Variants in AP3D1 observed in about 807,000 individuals in gnomAD.
The protein encoded by AP3D1 is adaptor related protein complex 3 subunit delta 1.
In AP3D1, 51 loss-of-function variants were observed where a neutral mutation model predicts 147.6. That is an observed-to-expected ratio of 0.35 (90% CI 0.28 to 0.44). The LOEUF (loss-of-function observed/expected upper bound fraction) is 0.44, where lower values mean the gene tolerates loss of function less well. Among genes scored for constraint, AP3D1 ranks in the 20% least tolerant of loss-of-function variants. The pLI, the probability that AP3D1 is intolerant of heterozygous loss-of-function variation, is 1.00. For synonymous variants in AP3D1, 760 were observed against 663.0 expected (o/e 1.15, Z -2.25); for missense variants, 1,421 against 1,624.2 (o/e 0.87, Z 2.15).
chr19:2,147,115 C>T (rs1013515533), intron 1 of AP3D1, among the ~76,000 whole-genome samples: 11 of 152,244 alleles, frequency 7.2e-5, no homozygotes, highest in South Asian at 4.1e-4. Context: ...GAGGCCGAGG[C>T]TGGTGGATCA....
At chr19:2,147,555 T>A (rs1599496912) in intron 1 of AP3D1, among the ~76,000 whole-genome samples, 1 of 130,306 alleles carries the variant, frequency 7.7e-6, no homozygotes. Flanking sequence ...GACTCTGACT[T>A]GGAAAAAAAA....
In AP3D1 at chr19:2,130,465, C is replaced by T. The variant is rs757653729; in HGVS notation, c.535G>A (p.Glu179Lys). Residue 179 changes from glutamate to lysine, a missense_variant, in exon 6 of 32, where the codon GAG becomes AAG. Glu to Lys is a moderately conservative substitution (Grantham distance 56). This residue lies in a region of AP3D1 where 292 missense variants were observed against 412.0 expected (regional missense o/e 0.71). Coordinates refer to ENST00000643116, the MANE Select transcript of AP3D1 (RefSeq NM_001261826.3). ...IMYKVFLKYP[E>K]SLRPAFPRLK... ...CGGGGAAAGGCAGGGCGCAGCGACT[C>T]GGGGTACTTCAGGAACACCTTGTAC... 5 of 1,613,956 alleles carry T rather than the reference C, an allele frequency of 3.1e-6. No homozygotes were observed. Among genetic ancestry groups the T allele is most frequent in the African/African-American group, 1.3e-5 (1 of 74,940 alleles).
In AP3D1 at chr19:2,114,082, G is replaced by A. The variant is rs2018363864; in HGVS notation, c.2601+43C>T. ...CTGTCTCCTGGGAGTTCACGGCAAG[G>A]GAGGGGAATGGAGAAGGCCGCCGCC... On this transcript the variant is annotated intron_variant, in intron 22 of 31. Coordinates refer to ENST00000643116, the MANE Select transcript of AP3D1 (RefSeq NM_001261826.3). 2.0e-6 allele frequency: 3 copies of A among 1,535,026 alleles called. No individual in the cohort carries two copies. The African/African-American group carries it at 4.2e-5, about 21-fold the overall frequency.
chr19:2,113,336 C>T lies in AP3D1; in HGVS notation c.2679G>A (p.Thr893=), dbSNP rs1347038420. ...PAPAPAPVPS[T]GELSVNTVTT... ...CACTGGCCAGCTGCCAGTCTCTTAC[C>T]GTGGATGGAACGGGGGCGGGGGCGG... The change falls in exon 23 of 32, where the codon ACG becomes ACA. Residue 893 remains threonine, a splice_region_variant and synonymous_variant. Coordinates refer to ENST00000643116, the MANE Select transcript of AP3D1 (RefSeq NM_001261826.3). 6 of 804,066 alleles carry T rather than the reference C, an allele frequency of 7.5e-6. No individual in the cohort carries two copies. Among genetic ancestry groups the T allele is most frequent in the East Asian group, 8.2e-5 (1 of 12,124 alleles). The allele number at this position is 804,066 out of a possible 1,614,324, so 49.8% of individuals were successfully genotyped here. A position where few individuals can be genotyped will look rare whatever the true frequency, so the allele number is the denominator to read the frequency against.
In AP3D1 at chr19:2,129,178, G is replaced by A. The variant is rs779465892; in HGVS notation, c.733-15C>T. The A allele has an allele frequency of 8.1e-6, 13 of 1,605,702 alleles. No homozygotes were observed. The South Asian group carries it at 1.2e-4, about 15-fold the overall frequency. On this transcript the variant is annotated splice_polypyrimidine_tract_variant and intron_variant, in intron 7 of 31. Coordinates refer to ENST00000643116, the MANE Select transcript of AP3D1 (RefSeq NM_001261826.3). ...AGAGCACCGAACTGTGGGGACAGCA[G>A]GGCCTCGGTCACCCGCAGGGAATGC... is the stretch of plus-strand genomic sequence containing the variant.
chr19:2,130,302 C>G (rs1488835534), intron 6 of AP3D1, 106 bp downstream of exon 6: 2 of 1,518,570 alleles, frequency 1.3e-6, no homozygotes, highest in Non-Finnish European at 1.8e-6. Context: ...TGGACTGAGC[C>G]CTTCACCACT....
At chr19:2,126,734 T>C (rs2018768687) in intron 9 of AP3D1, among the ~76,000 whole-genome samples, 1 of 151,556 alleles carries the variant, frequency 6.6e-6, no homozygotes, top group Admixed American at 6.6e-5. Context: ...GGTGAAACGA[T>C]ATGCTGTCTC....
chr19:2,129,704 C>T (rs776446492), intron 6 of AP3D1, among the ~76,000 whole-genome samples: 6 of 152,214 alleles, frequency 3.9e-5, no homozygotes, highest in Non-Finnish European at 7.3e-5. Flanking sequence ...GGAACAAGTG[C>T]GCACAAGCGT....
chr19:2,110,646 C>T, intron 27 of AP3D1, 61 bp downstream of exon 27: 1 of 1,472,296 alleles, frequency 6.8e-7, no homozygotes, highest in Non-Finnish European at 9.1e-7. Flanking sequence ...TCCGGGCAGT[C>T]ACCAGCTGCC....
upstream of AP3D1, among the ~76,000 whole-genome samples, chr19:2,153,863 TAG>T (rs2019623989): frequency 6.6e-6 from 1 of 151,900 alleles, no homozygotes; most frequent in Non-Finnish European, 1.5e-5. Flanking sequence ...TCGCCCGAGA[TAG>T]AGTCTTGCTC....
At chr19:2,109,466 A>C (rs2018202969) in intron 29 of AP3D1, 1 of 514,532 alleles carries the variant, frequency 1.9e-6, no homozygotes, top group African/African-American at 1.9e-5. Context: ...TCCGACAAGG[A>C]CGGATGTCCT....
chr19:2,128,507 G>T (rs371516677), intron 8 of AP3D1, among the ~76,000 whole-genome samples: 8 of 71,228 alleles, frequency 1.1e-4, no homozygotes, highest in African/African-American at 5.4e-4. Context: ...GAGCCGGCCC[G>T]CCCCACAGCT....
chr19:2,157,456 A>G (rs1158404225), intron 1 of AP3D1, among the ~76,000 whole-genome samples: 11 of 148,068 alleles, frequency 7.4e-5, no homozygotes, highest in African/African-American at 2.6e-4. Flanking sequence ...AAAAAAAAAA[A>G]AAAAGAAAAA....
rs528049094 is a variant in AP3D1 at position 2,163,312 on chromosome 19, G to T, written c.-103+1044C>A. Reference sequence around the variant, plus strand: ...TGATCTCGAACTCCTGACCTCAGGTGATCTTCCCGCCTCGGCCTCACAAAG... The same window carrying T: ...TGATCTCGAACTCCTGACCTCAGGTTATCTTCCCGCCTCGGCCTCACAAAG... On this transcript the variant is annotated intron_variant, in intron 1 of 14. Coordinates refer to the AP3D1 transcript ENST00000643010. 3.3e-5 allele frequency among the ~76,000 whole-genome samples: 5 copies of T among 152,044 alleles called. No individual in the cohort carries two copies. The East Asian group carries it at 9.7e-4, about 29-fold the overall frequency.
At chr19:2,164,094 C>G (rs1477345691) in intron 1 of AP3D1, 1 of 150,316 alleles carries the variant, frequency 6.7e-6, no homozygotes, top group Non-Finnish European at 1.4e-5. Flanking sequence ...CCTCCCGCCC[C>G]TCCCTCCCGC....
At position 2,113,354 on chromosome 19, in the gene AP3D1, G is replaced by A. The variant is rs771185707; in HGVS notation, c.2661C>T (p.Pro887=). The A allele has an allele frequency of 3.1e-5, 45 of 1,448,184 alleles. No homozygotes were observed. The highest frequency in any genetic ancestry group is 2.9e-4 in the Admixed American group (11 of 38,354). The allele number at this position is 1,448,184 out of a possible 1,614,324, so 89.7% of individuals were successfully genotyped here. Residue 887 remains proline, a synonymous_variant, in exon 23 of 32, where the codon CCC becomes CCT. Transcript: ENST00000643116. Reference sequence around the variant, plus strand: ...CTCTTACCGTGGATGGAACGGGGGCGGGGGCGGGGGCGGGGGCAGGCGGTG... The same window carrying A: ...CTCTTACCGTGGATGGAACGGGGGCAGGGGCGGGGGCGGGGGCAGGCGGTG... ...TTPPPAPAPA[P]APVPSTGELS... is the part of the protein sequence containing the mutation.
At chr19:2,114,676 G>A (rs1163645923) in intron 21 of AP3D1, 72 bp downstream of exon 21, 1 of 1,121,042 alleles carries the variant, frequency 8.9e-7, no homozygotes, top group Non-Finnish European at 1.3e-6. Context: ...GCCCCACCCG[G>A]AAGGGAGGAC....
chr19:2,138,734 C>G lies in AP3D1; in HGVS notation c.97-20G>C. The stretch of plus-strand genomic sequence containing the variant: ...TTTTGCCTATAATGGGGGATAAACA[C>G]AGAGATTACAAACATCCAGCTAAGA... On this transcript the variant is annotated intron_variant, in intron 1 of 31. Transcript: ENST00000643116. 5.8e-6 allele frequency: 9 copies of G among 1,547,972 alleles called. No individual in the cohort carries two copies. Among genetic ancestry groups the G allele is most frequent in the Non-Finnish European group, 8.0e-6 (9 of 1,123,170 alleles).
At chr19:2,114,622 G>GGCCCCCCCCCCCCCCC in intron 21 of AP3D1, 126 bp downstream of exon 21, 1 of 665,752 alleles carries the variant, frequency 1.5e-6, no homozygotes, top group Non-Finnish European at 2.7e-6. Context: ...TCTGGGGAAG[G>GGCCCCCCCCCCCCCCC]CCCGCCCGCA....
Sources: allele counts gnomAD v4.1 joint callset (sites outside exome capture counted in the v4.1 genomes callset), GRCh38; gene constraint gnomAD v4.1.1; regional missense constraint gnomAD v4.1.1; transcripts MANE v1.5; gene names NCBI Gene and HGNC (gene_info 2026-07-23, HGNC 2026-07-21).